Variants in SAMM50 observed in about 807,000 individuals in gnomAD.
The protein encoded by SAMM50 is sorting and assembly machinery component 50 homolog.
SAMM50 carries 47 observed loss-of-function variants against 66.9 expected under a neutral mutation model. That is an observed-to-expected ratio of 0.70 (90% confidence interval 0.56 to 0.90). SAMM50 has a LOEUF of 0.90. Among genes scored for constraint, SAMM50 ranks in the 40% least tolerant of loss-of-function variants. The probability of loss-of-function intolerance (pLI) is 0.00; values close to 1 mark genes in which losing one functional copy is unlikely to be tolerated. For synonymous variants in SAMM50, 191 were observed against 214.1 expected (o/e 0.89, Z 0.94); for missense variants, 535 against 595.3 (o/e 0.90, Z 1.05).
chr22:43,973,290 G>T lies in SAMM50; in HGVS notation c.615G>T (p.Arg205=). The change falls in exon 7 of 15, where the codon CGG becomes CGT. Residue 205 remains arginine (R), a synonymous_variant. Coordinates refer to ENST00000350028, the MANE Select transcript of SAMM50 (RefSeq NM_015380.5). ...VTGQFPWSSL[R]ETDRGMSAEY... is the part of the protein sequence containing the mutation. ...GACAGTTCCCTTGGAGCTCACTGCG[G>T]GAGACGGACAGAGGAATGTCAGCTG... The T allele has an allele frequency of 6.2e-7, 1 of 1,607,394 alleles. No individual in the cohort carries two copies. The highest frequency in any genetic ancestry group is 1.1e-5 in the South Asian group (1 of 90,912).
At position 43,983,928 on chromosome 22, in the gene SAMM50, C is replaced by G. The variant is rs757973764; in HGVS notation, c.1008-5C>G. 1 of 1,608,006 alleles carries G rather than the reference C, an allele frequency of 6.2e-7. No individual in the cohort carries two copies. The highest frequency in any genetic ancestry group is 8.5e-7 in the Non-Finnish European group (1 of 1,177,004). The stretch of plus-strand genomic sequence containing the variant: ...TCCTCTGACCTGTGTGCTGTTTTGT[C>G]CTAGGTTTTACCTTGGGGGACCCAC... On this transcript the variant is annotated splice_polypyrimidine_tract_variant and splice_region_variant and intron_variant, in intron 11 of 14. Coordinates refer to ENST00000350028, the MANE Select transcript of SAMM50 (RefSeq NM_015380.5). This position sits in a 1 kb window ranked among gnomAD's most constrained non-coding sequence, Gnocchi z 4.2.
chr22:43,963,271 C>T lies in SAMM50; in HGVS notation c.22-15C>T, dbSNP rs185929946. ...TGACAAAGTCATTTATCTGTGGTCG[C>T]TCCCTCCCTTTCAGAGTTTGGAGCC... is the stretch of plus-strand genomic sequence containing the variant. On this transcript the variant is annotated splice_polypyrimidine_tract_variant and intron_variant, in intron 1 of 14. Coordinates refer to ENST00000350028, the MANE Select transcript of SAMM50 (RefSeq NM_015380.5). 3.9e-6 allele frequency: 6 copies of T among 1,535,396 alleles called. No individual in the cohort carries two copies. In the Admixed American group the frequency reaches 9.0e-5, roughly 23 times the overall value.
intron 1 of SAMM50, among the ~76,000 whole-genome samples, chr22:43,962,188 AATC>A (rs1238813220): frequency 6.6e-6 from 1 of 152,238 alleles, no homozygotes; most frequent in Non-Finnish European, 1.5e-5. Flanking sequence ...AGTTGGGCAA[AATC>A]ATCTAACACA....
intron 4 of SAMM50, among the ~76,000 whole-genome samples, chr22:43,969,475 TCTC>T (rs1487596682): frequency 6.6e-6 from 1 of 151,550 alleles, no homozygotes; most frequent in African/African-American, 2.4e-5. Context: ...CAGGGCGTGG[TCTC>T]CTCCTGAAGG....
At chr22:43,993,213 G>A (rs994818217) in intron 14 of SAMM50, among the ~76,000 whole-genome samples, 6 of 152,192 alleles carry the variant, frequency 3.9e-5, no homozygotes, top group Non-Finnish European at 8.8e-5. Context: ...TGGAGCGAGG[G>A]AAGCTTTAGA....
At position 43,993,457 on chromosome 22, in the gene SAMM50, C is replaced by T. The variant is rs575804363; in HGVS notation, c.1365-2881C>T. On this transcript the variant is annotated intron_variant, in intron 14 of 14. Transcript: ENST00000350028. ...TACATTTACCTTTCAGCTTTACTTC[C>T]GTCTCTTCAGGTTAAATCTAAAAAA... 2.6e-5 allele frequency among the ~76,000 whole-genome samples: 4 copies of T among 152,344 alleles called. No individual in the cohort carries two copies. In the East Asian group the frequency reaches 5.8e-4, roughly 22 times the overall value.
chr22:43,964,372 AC>A (rs2050162339), intron 2 of SAMM50, 79 bp from the exon 3 acceptor site: 6 of 679,168 alleles, frequency 8.8e-6, no homozygotes, highest in Non-Finnish European at 1.6e-5. Context: ...CATTAATTAA[AC>A]CTTGACATTG....
intron 4 of SAMM50, among the ~76,000 whole-genome samples, chr22:43,971,684 C>T (rs2050204492): frequency 1.3e-5 from 2 of 152,102 alleles, no homozygotes; most frequent in South Asian, 2.1e-4. Context: ...CTCCTTGTAG[C>T]AAAGGTAGAT....
At position 43,983,892 on chromosome 22, in the gene SAMM50, C is replaced by T; in HGVS notation, c.1008-41C>T. ...GTTCCGTGTGTCATGTCGTTTCTCA[C>T]CTCCTGACTTTCCTCTGACCTGTGT... On this transcript the variant is annotated intron_variant, in intron 11 of 14. Coordinates refer to ENST00000350028, the MANE Select transcript of SAMM50 (RefSeq NM_015380.5). The surrounding 1 kb of genome is among the most constrained non-coding windows in gnomAD (Gnocchi z 4.2). The T allele has an allele frequency of 6.9e-7, 1 of 1,455,746 alleles. No homozygotes were observed. 90.2% of individuals were successfully genotyped at this position (1,455,746 alleles called of 1,614,324 possible). A position where few individuals can be genotyped will look rare whatever the true frequency, so the allele number is the denominator to read the frequency against.
chr22:43,981,318 G>A, intron 10 of SAMM50, 73 bp from the exon 11 acceptor site: 2 of 1,194,582 alleles, frequency 1.7e-6, no homozygotes, highest in Non-Finnish European at 2.5e-6. Context: ...TGTGTGGCCA[G>A]TTGCTAGTTG....
At position 43,983,837 on chromosome 22, in the gene SAMM50, G is replaced by T; in HGVS notation, c.1008-96G>T. The stretch of plus-strand genomic sequence containing the variant: ...AAAATGCTGTCGATAATCTAGTATC[G>T]AATGTGAGTCTGACATGTGTTTCCT... On this transcript the variant is annotated intron_variant, in intron 11 of 14. Coordinates refer to ENST00000350028, the MANE Select transcript of SAMM50 (RefSeq NM_015380.5). The surrounding 1 kb of genome is among the most constrained non-coding windows in gnomAD (Gnocchi z 4.2). The T allele has an allele frequency of 2.4e-6, 2 of 820,880 alleles. No individual in the cohort carries two copies. The highest frequency in any genetic ancestry group is 2.7e-5 in the East Asian group (1 of 36,712). The allele number at this position is 820,880 out of a possible 1,614,324, so 50.8% of individuals were successfully genotyped here. A position where few individuals can be genotyped will look rare whatever the true frequency, so the allele number is the denominator to read the frequency against.
At chr22:43,967,038 C>T (rs2146809868) in intron 3 of SAMM50, among the ~76,000 whole-genome samples, 1 of 152,290 alleles carries the variant, frequency 6.6e-6, no homozygotes, top group East Asian at 1.9e-4. Context: ...CTTTGGTGAC[C>T]ATTTTCCTGG....
rs915147380 is a variant in SAMM50, at chr22:43,961,570, C to T, written c.22-1716C>T. ...GTTCAAGCGATTCTCCTGCCTTACC[C>T]TTCCAAGTAGTTGGGACTACAGGCA... On this transcript the variant is annotated intron_variant, in intron 1 of 14. Coordinates refer to ENST00000350028, the MANE Select transcript of SAMM50 (RefSeq NM_015380.5). 3.9e-5 allele frequency among the ~76,000 whole-genome samples: 6 copies of T among 152,276 alleles called. 1 individual carries two copies. The highest frequency in any genetic ancestry group is 6.8e-3 in the Middle Eastern group (2 of 294).
At chr22:43,973,476 C>T (rs1369486197) in intron 7 of SAMM50, among the ~76,000 whole-genome samples, 153 bp downstream of exon 7, 4 of 152,186 alleles carry the variant, frequency 2.6e-5, no homozygotes, top group African/African-American at 9.7e-5. Context: ...CTTCTCTAGC[C>T]GAGTACAGGC....
intron 10 of SAMM50, among the ~76,000 whole-genome samples, chr22:43,980,156 CCATCCATT>C: frequency 4.7e-5 from 1 of 21,436 alleles, no homozygotes; most frequent in African/African-American, 2.5e-4. Flanking sequence ...ATCCATCCAT[CCATCCATT>C]CACCCACCCA....
At position 43,996,049 on chromosome 22, in the gene SAMM50, G is replaced by A. The variant is rs77751534; in HGVS notation, c.1365-289G>A. ...CATCGGCCCTCTGTCCTCTCCGTCC[G>A]GAGAGGGGAACGTGAAGGAGGTGAG... On this transcript the variant is annotated intron_variant, in intron 14 of 14. Transcript: ENST00000350028. The A allele has an allele frequency of 3.4e-3, 1,619 of 471,298 alleles. 31 individuals carry two copies. Among genetic ancestry groups the A allele is most frequent in the African/African-American group, 0.029 (1,489 of 51,390 alleles). The allele number at this position is 471,298 out of a possible 1,614,324, so 29.2% of individuals were successfully genotyped here. A position where few individuals can be genotyped will look rare whatever the true frequency, so the allele number is the denominator to read the frequency against.
chr22:43,957,338 C>T (rs1423674984), intron 1 of SAMM50: 2 of 565,848 alleles, frequency 3.5e-6, no homozygotes, highest in East Asian at 6.2e-5. Flanking sequence ...CTGTACCCCT[C>T]AAGGATTTAA....
intron 3 of SAMM50, among the ~76,000 whole-genome samples, chr22:43,966,516 C>T (rs2050174152): frequency 6.6e-6 from 1 of 152,116 alleles, no homozygotes; most frequent in Non-Finnish European, 1.5e-5. Flanking sequence ...CACCACCACA[C>T]CCAGCTAATT....
chr22:43,986,112 A>C (rs796581980), intron 12 of SAMM50, among the ~76,000 whole-genome samples: 1 of 142,654 alleles, frequency 7.0e-6, no homozygotes, highest in Non-Finnish European at 1.5e-5. Flanking sequence ...GCGCAATCTC[A>C]GCTCACTGCA....
Sources: gnomAD v4.1 joint callset for allele counts (sites outside exome capture counted in the v4.1 genomes callset) on GRCh38, gnomAD v4.1.1 for gene constraint, Gnocchi (gnomAD v3.1) non-coding constraint, MANE v1.5 for transcripts, NCBI Gene and HGNC (gene_info 2026-07-23, HGNC 2026-07-21) for gene names.